The following TOM1 variants were observed in gnomAD, a reference collection of about 807,000 sequenced individuals.
The protein encoded by TOM1 is target of Myb protein 1.
TOM1 carries 38 observed loss-of-function variants against 61.3 expected under a neutral mutation model. That is an observed-to-expected ratio of 0.62 (90% CI 0.48 to 0.81). The LOEUF is 0.81. Ranked by LOEUF, TOM1 falls within the 40% of genes least tolerant of loss-of-function variation. TOM1 has a pLI of 0.00. For synonymous variants in TOM1, 270 were observed against 268.8 expected (o/e 1.00, Z -0.04); for missense variants, 591 against 659.6 (o/e 0.90, Z 1.14).
intron 6 of TOM1, 28 bp from the exon 7 acceptor site, chr22:35,327,243 T>C: frequency 1.2e-6 from 2 of 1,605,392 alleles, no homozygotes; most frequent in Non-Finnish European, 1.7e-6. Flanking sequence ...CCCTGGCTTC[T>C]CTCACCACGA....
chr22:35,345,779 G>A lies in TOM1; in HGVS notation c.1279G>A (p.Asp427Asn). 2 of 1,614,034 alleles carry A rather than the reference G, an allele frequency of 1.2e-6. No homozygotes were observed. The highest frequency in any genetic ancestry group is 2.2e-5 in the East Asian group (1 of 44,894). ...GGACATCGAGCAGTGGCTGTCCACT[G>A]ACGTGGTATGTTGGGGCCCACTCCT... The part of the protein sequence containing the change: ...MEDIEQWLST[D>N]VGNDAEEPKG... Residue 427 changes from aspartate to asparagine, a missense_variant, in exon 13 of 15, where the codon GAC becomes AAC. Asp to Asn is a conservative substitution (Grantham distance 23). Transcript: ENST00000449058.
At chr22:35,336,574 G>C (rs182205396) in intron 11 of TOM1, 1 of 152,386 alleles carries the variant, frequency 6.6e-6, no homozygotes, top group Admixed American at 6.5e-5. Flanking sequence ...GAGACGCCTC[G>C]GCTAGGCCTT....
chr22:35,300,490 A>C (rs2145591957), intron 1 of TOM1, among the ~76,000 whole-genome samples: 1 of 152,354 alleles, frequency 6.6e-6, no homozygotes, highest in African/African-American at 2.4e-5. Context: ...AGCGCCGGAC[A>C]GCCCGCGGCC....
intron 11 of TOM1, chr22:35,335,721 G>C (rs367692177): frequency 6.5e-6 from 1 of 154,900 alleles, no homozygotes; most frequent in South Asian, 2.0e-4. Context: ...GTCCTCTAGG[G>C]CCTGCAGTCT....
chr22:35,327,882 G>A (rs916425196), intron 7 of TOM1, among the ~76,000 whole-genome samples: 5 of 152,122 alleles, frequency 3.3e-5, no homozygotes, highest in African/African-American at 9.7e-5. Flanking sequence ...TCCTGCTCCC[G>A]GGTGTCACAT....
intron 12 of TOM1, among the ~76,000 whole-genome samples, chr22:35,343,188 TCCACTCATACGCCTACAC>T (rs1248467348): frequency 1.7e-5 from 1 of 57,502 alleles, no homozygotes; most frequent in Non-Finnish European, 3.3e-5. Context: ...ACACCACACC[TCCACTCATACGCCTACAC>T]ACACACCCCT....
At position 35,308,155 on chromosome 22, in the gene TOM1, T is replaced by C. The variant is rs191740832; in HGVS notation, c.52+8175T>C. Among the ~76,000 whole-genome samples the C allele has an allele frequency of 4.4e-3, 671 of 152,234 alleles. 4 individuals are homozygous for C. The highest frequency in any genetic ancestry group is 7.6e-3 in the Non-Finnish European group (518 of 68,008). Reference sequence around the variant, plus strand: ...GCCTGCCAGCTCACCCTACAGATTTTCAACTTGCTAAGCCTTCACACCTGC... The same window carrying C: ...GCCTGCCAGCTCACCCTACAGATTTCCAACTTGCTAAGCCTTCACACCTGC... On this transcript the variant is annotated intron_variant, in intron 1 of 14. Coordinates refer to ENST00000449058, the MANE Select transcript of TOM1 (RefSeq NM_005488.3).
intron 12 of TOM1, among the ~76,000 whole-genome samples, chr22:35,343,726 C>G (rs1322482616): frequency 7.5e-5 from 11 of 145,862 alleles, no homozygotes; most frequent in Non-Finnish European, 1.7e-4. Flanking sequence ...ACACACACAT[C>G]TACACCCACC....
chr22:35,309,423 C>T (rs1382788971), intron 1 of TOM1, among the ~76,000 whole-genome samples: 2 of 152,144 alleles, frequency 1.3e-5, no homozygotes, highest in Non-Finnish European at 1.5e-5. Flanking sequence ...ACAGGCAGAT[C>T]GCCTGAGGTC....
chr22:35,331,252 C>T, intron 8 of TOM1: 1 of 443,702 alleles, frequency 2.3e-6, no homozygotes, highest in Non-Finnish European at 4.5e-6. Flanking sequence ...TGCACCACCA[C>T]ACCCAGCTAA....
intron 12 of TOM1, among the ~76,000 whole-genome samples, chr22:35,338,992 T>C (rs1423660364): frequency 1.3e-5 from 2 of 152,190 alleles, no homozygotes; most frequent in Admixed American, 6.5e-5. Flanking sequence ...GCCAGGCCAT[T>C]TGCCCAAGCC....
intron 1 of TOM1, among the ~76,000 whole-genome samples, chr22:35,316,579 G>C (rs1462695010): frequency 6.6e-6 from 1 of 152,218 alleles, no homozygotes; most frequent in Non-Finnish European, 1.5e-5. Flanking sequence ...TGCAGCCAGT[G>C]GTCCCGGCCA....
Position 35,299,985 on chromosome 22 carries a change from G to C in TOM1, c.52+5G>C. On this transcript the variant is annotated splice_donor_5th_base_variant and intron_variant, in intron 1 of 14. Transcript: ENST00000449058. ...CTCCAGTGGGACAGCGCATCGGTGA[G>C]TCCCTGGAGCCCCCCACAGCTCCGC... 6.4e-7 allele frequency: 1 copy of C among 1,569,538 alleles called. No homozygotes were observed.
intron 1 of TOM1, among the ~76,000 whole-genome samples, chr22:35,314,341 C>T (rs561576819): frequency 2.6e-5 from 4 of 152,216 alleles, no homozygotes; most frequent in South Asian, 2.1e-4. Flanking sequence ...CCTCCCACCC[C>T]GCAGAAAACC....
chr22:35,311,585 G>A (rs1228173350), intron 1 of TOM1, among the ~76,000 whole-genome samples: 1 of 152,242 alleles, frequency 6.6e-6, no homozygotes, highest in African/African-American at 2.4e-5. Context: ...CATTCCAAAA[G>A]TATGTAATGC....
At chr22:35,322,961 G>T (rs770405974) in intron 3 of TOM1, 67 bp from the exon 4 acceptor site, 15 of 1,579,682 alleles carry the variant, frequency 9.5e-6, no homozygotes, top group Admixed American at 9.2e-5. Context: ...GGAGCCACGA[G>T]GGTGGGGGTT....
rs1345405801 is a variant in TOM1 at position 35,323,718 on chromosome 22, G to A, written c.502-50G>A. On this transcript the variant is annotated intron_variant, in intron 5 of 14. Transcript: ENST00000449058. This position sits in a 1 kb window ranked among gnomAD's most constrained non-coding sequence, Gnocchi z 4.2. Reference sequence around the variant, plus strand: ...ACCAGGCTGGCCCCTGACTTCCTGGGCTCTTGATGTTCCCAGGAGCCCTCA... The same window carrying A: ...ACCAGGCTGGCCCCTGACTTCCTGGACTCTTGATGTTCCCAGGAGCCCTCA... 1.1e-5 allele frequency: 18 copies of A among 1,604,718 alleles called. No homozygotes were observed. In the Admixed American group the frequency reaches 1.2e-4, roughly 10 times the overall value.
At chr22:35,319,623 G>A (rs1232905209) in intron 2 of TOM1, among the ~76,000 whole-genome samples, 1 of 152,190 alleles carries the variant, frequency 6.6e-6, no homozygotes, top group African/African-American at 2.4e-5. Flanking sequence ...CCAGGTCAGT[G>A]GCGCATGGCG....
At chr22:35,341,778 C>T (rs1929900879) in intron 12 of TOM1, among the ~76,000 whole-genome samples, 1 of 152,202 alleles carries the variant, frequency 6.6e-6, no homozygotes. Context: ...CACAACTCCA[C>T]TGGCAGCAAA....
Sources: gnomAD v4.1 joint callset for allele counts (sites outside exome capture counted in the v4.1 genomes callset) on GRCh38, gnomAD v4.1.1 for gene constraint, Gnocchi (gnomAD v3.1) non-coding constraint, MANE v1.5 for transcripts, NCBI Gene and HGNC (gene_info 2026-07-23, HGNC 2026-07-21) for gene names.